The following TBXAS1 variants were observed in gnomAD, a reference collection of about 807,000 sequenced individuals.
The protein encoded by TBXAS1 is thromboxane A synthase 1.
In TBXAS1, 48 loss-of-function variants were observed where a neutral mutation model predicts 60.7. The observed-to-expected ratio is 0.79, with a 90% CI of 0.63 to 1.01. TBXAS1 has a LOEUF of 1.01. Ranked by LOEUF, TBXAS1 falls within the 50% of genes least tolerant of loss-of-function variation. The probability of loss-of-function intolerance (pLI) is 0.00; values close to 1 mark genes in which losing one functional copy is unlikely to be tolerated. For synonymous variants in TBXAS1, 287 were observed against 269.7 expected, an observed-to-expected ratio of 1.06 and a Z score of -0.63; for missense variants, 685 against 686.3, an observed-to-expected ratio of 1.00 and a Z score of 0.02.
chr7:139,785,792 C>T (rs889204789), intron 3 of TBXAS1, among the ~76,000 whole-genome samples: 1 of 152,056 alleles, frequency 6.6e-6, no homozygotes, highest in Non-Finnish European at 1.5e-5. Flanking sequence ...TTCCCAATCT[C>T]ATCTCCCACT....
At chr7:139,968,673 G>A (rs1263040613) in intron 9 of TBXAS1, among the ~76,000 whole-genome samples, 1 of 152,088 alleles carries the variant, frequency 6.6e-6, no homozygotes, top group Non-Finnish European at 1.5e-5. Context: ...GTCTTGTTTG[G>A]GAATTTTATC....
At chr7:140,016,292 C>G (rs1001998452) in intron 11 of TBXAS1, 1 of 281,544 alleles carries the variant, frequency 3.6e-6, no homozygotes. Context: ...GGTGCCACTA[C>G]ACTCCAGCCT....
Position 139,852,165 on chromosome 7 carries a change from T to A in TBXAS1, c.90-20070T>A, listed in dbSNP as rs761123130. Among the ~76,000 whole-genome samples, 7 of 152,212 alleles carry A rather than the reference T, an allele frequency of 4.6e-5. No homozygotes were observed. The highest frequency in any genetic ancestry group is 7.3e-5 in the Non-Finnish European group (5 of 68,032). On this transcript the variant is annotated intron_variant, in intron 1 of 12. Coordinates refer to ENST00000448866, the MANE Select transcript of TBXAS1 (RefSeq NM_001061.7). The surrounding 1 kb of genome is among the most constrained non-coding windows in gnomAD (Gnocchi z 4.4). Reference sequence around the variant, plus strand: ...CTCCTGACCCTCAGAATCTGTGAGATAATGAATGTTTGTTGTCTTCAGTCA... The same window carrying A: ...CTCCTGACCCTCAGAATCTGTGAGAAAATGAATGTTTGTTGTCTTCAGTCA...
At chr7:139,783,800 A>G (rs1797077522) in intron 3 of TBXAS1, among the ~76,000 whole-genome samples, 1 of 152,142 alleles carries the variant, frequency 6.6e-6, no homozygotes, top group Non-Finnish European at 1.5e-5. Flanking sequence ...GAGGGGCTTG[A>G]CTGTCACGGC....
intron 4 of TBXAS1, among the ~76,000 whole-genome samples, chr7:139,926,162 C>G (rs1466573482): frequency 1.3e-5 from 2 of 152,070 alleles, no homozygotes; most frequent in Non-Finnish European, 1.5e-5. Context: ...TGCTGGCCTC[C>G]TGGAGTGACT....
chr7:139,832,644 T>G (rs969084442), intron 1 of TBXAS1, among the ~76,000 whole-genome samples: 2 of 152,238 alleles, frequency 1.3e-5, no homozygotes, highest in African/African-American at 4.8e-5. Context: ...GATCTTTGCC[T>G]AGGCACATTG....
At chr7:139,796,914 T>C (rs1247622974) in intron 4 of TBXAS1, among the ~76,000 whole-genome samples, 1 of 152,250 alleles carries the variant, frequency 6.6e-6, no homozygotes, top group Non-Finnish European at 1.5e-5. Context: ...ATTTTAACTT[T>C]TTGAAAATTG....
intron 3 of TBXAS1, among the ~76,000 whole-genome samples, chr7:139,882,617 T>C (rs532970888): frequency 6.6e-6 from 1 of 152,242 alleles, no homozygotes; most frequent in African/African-American, 2.4e-5. Context: ...TTGATGAAAA[T>C]GAAAATATAC....
intron 7 of TBXAS1, 30 bp downstream of exon 7, chr7:139,955,637 G>A (rs747557176): frequency 1.2e-4 from 191 of 1,612,676 alleles, no homozygotes; most frequent in Middle Eastern, 3.3e-4. Context: ...GGGGCGCTGC[G>A]ATGACTCCAG....
chr7:139,925,349 A>G (rs547042773), intron 4 of TBXAS1, among the ~76,000 whole-genome samples: 42 of 152,232 alleles, frequency 2.8e-4, no homozygotes, highest in African/African-American at 9.1e-4. Flanking sequence ...TTCATTGTAG[A>G]GATCTTTTAC....
intron 9 of TBXAS1, among the ~76,000 whole-genome samples, chr7:139,993,695 C>T (rs368345289): frequency 6.6e-6 from 1 of 152,078 alleles, no homozygotes; most frequent in Non-Finnish European, 1.5e-5. Flanking sequence ...CCTTCTGTCT[C>T]CAATGCAATG....
intron 3 of TBXAS1, among the ~76,000 whole-genome samples, chr7:139,894,328 G>A (rs1324249745): frequency 6.6e-6 from 1 of 152,128 alleles, no homozygotes; most frequent in African/African-American, 2.4e-5. Flanking sequence ...AGAAGGGCAG[G>A]GCATGGAGAA....
intron 4 of TBXAS1, among the ~76,000 whole-genome samples, chr7:139,935,692 T>C (rs1208368813): frequency 6.6e-6 from 1 of 151,810 alleles, no homozygotes; most frequent in African/African-American, 2.4e-5. Context: ...TGAAGGCCTT[T>C]CCTTTTTCCC....
rs971079760 is a variant in TBXAS1, at chr7:140,004,620, G to A, written c.1135-2471G>A. Among the ~76,000 whole-genome samples, 27 of 152,224 alleles carry A rather than the reference G, an allele frequency of 1.8e-4. No individual in the cohort carries two copies. Among genetic ancestry groups the A allele is most frequent in the African/African-American group, 5.5e-4 (23 of 41,530 alleles). On this transcript the variant is annotated intron_variant, in intron 9 of 12. Transcript: ENST00000448866. This position sits in a 1 kb window ranked among gnomAD's most constrained non-coding sequence, Gnocchi z 5.1. ...TCAGGCCTGGACATACTGGATGAGCGGGGGGAGTCCAGACCCTTCCAGGCA... is the reference window on the plus strand; with the variant it reads ...TCAGGCCTGGACATACTGGATGAGCAGGGGGAGTCCAGACCCTTCCAGGCA...
intron 1 of TBXAS1, among the ~76,000 whole-genome samples, chr7:139,837,648 T>G (rs1434121665): frequency 6.6e-6 from 1 of 152,134 alleles, no homozygotes; most frequent in East Asian, 1.9e-4. Context: ...CAATGGACTT[T>G]GGGGACTTGG....
Position 139,956,168 on chromosome 7 carries a change from T to C in TBXAS1, c.688+561T>C, listed in dbSNP as rs1226377495. Among the ~76,000 whole-genome samples, 5 of 152,106 alleles carry C rather than the reference T, an allele frequency of 3.3e-5. 1 individual carries two copies. In the South Asian group the frequency reaches 6.2e-4, roughly 19 times the overall value. ...TTATTATTATTATTATTTTTTTAGATGGAGTTTCGCTGTTGTTGTCCAGGC... is the reference window on the plus strand; with the variant it reads ...TTATTATTATTATTATTTTTTTAGACGGAGTTTCGCTGTTGTTGTCCAGGC... On this transcript the variant is annotated intron_variant, in intron 7 of 12. Transcript: ENST00000448866.
chr7:139,906,237 AG>A (rs1225582611), intron 3 of TBXAS1: 1 of 182,996 alleles, frequency 5.5e-6, no homozygotes, highest in Non-Finnish European at 1.2e-5. Flanking sequence ...TTGTATTTTT[AG>A]TACAGATGGG....
intron 9 of TBXAS1, among the ~76,000 whole-genome samples, chr7:140,001,864 T>C (rs1813696063): frequency 6.6e-6 from 1 of 152,232 alleles, no homozygotes; most frequent in South Asian, 2.1e-4. Flanking sequence ...CACTTTTCAC[T>C]GGCTTATTCT....
At chr7:139,979,516 C>T (rs1474777421) in intron 9 of TBXAS1, among the ~76,000 whole-genome samples, 1 of 151,938 alleles carries the variant, frequency 6.6e-6, no homozygotes, top group Non-Finnish European at 1.5e-5. Context: ...CACCTGAGGT[C>T]AGGAGTTTGA....
Sources: allele counts gnomAD v4.1 joint callset (sites outside exome capture counted in the v4.1 genomes callset), GRCh38; gene constraint gnomAD v4.1.1; non-coding constraint Gnocchi (gnomAD v3.1); transcripts MANE v1.5; gene names NCBI Gene and HGNC (gene_info 2026-07-23, HGNC 2026-07-21).